Variants in CASP10 observed in about 807,000 individuals in gnomAD.
CASP10 encodes the protein caspase-10.
A neutral mutation model predicts 48.5 loss-of-function variants in CASP10; 41 were observed. That is an observed-to-expected ratio of 0.85 (90% CI 0.66 to 1.10). The LOEUF is 1.10. Among genes scored for constraint, CASP10 ranks in the 50% least tolerant of loss-of-function variants. CASP10 has a pLI of 0.00. For synonymous variants in CASP10, 232 were observed against 238.4 expected (o/e 0.97, Z 0.25); for missense variants, 614 against 614.5 (o/e 1.00, Z 0.01).
At chr2:201,229,019 T>C (rs1323152296) in exon 10 of CASP10, 1 of 1,614,096 alleles carries the variant, frequency 6.2e-7, no homozygotes, top group African/African-American at 1.3e-5. Context: ...GCAACCTCCC[T>C]GCCCACGGCC....
Position 201,218,758 on chromosome 2 carries a change from C to G in CASP10, c.*1017C>G. On this transcript the variant is annotated 3_prime_UTR_variant, in exon 10 of 10. Transcript: ENST00000286186. ...CATTGGACAGTGAGGTCACAGTCCA[C>G]CCACCCTCTCTCTGATCTCCCCCTT... 1.0e-6 allele frequency: 1 copy of G among 985,478 alleles called. No individual in the cohort carries two copies. The highest frequency in any genetic ancestry group is 1.2e-6 in the Non-Finnish European group (1 of 829,988). The allele number at this position is 985,478 out of a possible 1,614,324, so 61.0% of individuals were successfully genotyped here.
chr2:201,229,351 A>C (rs1287596676), exon 10 of CASP10: 2 of 522,184 alleles, frequency 3.8e-6, no homozygotes, highest in Non-Finnish European at 6.9e-6. Context: ...TAAACAATTT[A>C]AACAAATGGT....
In CASP10 at chr2:201,217,552, C is replaced by G. The variant is rs921908049; in HGVS notation, c.1416-36C>G. ...CCAGCCTGGGCGACAGAGTGAGACTCCGTAAAAAAAAATTTTGTTTTCTTC... is the reference window on the plus strand; with the variant it reads ...CCAGCCTGGGCGACAGAGTGAGACTGCGTAAAAAAAAATTTTGTTTTCTTC... On this transcript the variant is annotated intron_variant, in intron 9 of 9. Coordinates refer to ENST00000286186, the MANE Select transcript of CASP10 (RefSeq NM_032977.4). 6 of 1,485,256 alleles carry G rather than the reference C, an allele frequency of 4.0e-6. No individual in the cohort carries two copies. In the Admixed American group the frequency reaches 1.0e-4, roughly 25 times the overall value. 92.0% of individuals were successfully genotyped at this position (1,485,256 alleles called of 1,614,324 possible). A position where few individuals can be genotyped will look rare whatever the true frequency, so the allele number is the denominator to read the frequency against.
chr2:201,195,484 T>G (rs1944757336), intron 4 of CASP10, among the ~76,000 whole-genome samples: 2 of 152,202 alleles, frequency 1.3e-5, no homozygotes, highest in Non-Finnish European at 2.9e-5. Flanking sequence ...AATATTGACT[T>G]TCTTTAGTTC....
At chr2:201,208,023 T>A in intron 7 of CASP10, 52 bp from the exon 8 acceptor site, 1 of 1,314,820 alleles carries the variant, frequency 7.6e-7, no homozygotes, top group Non-Finnish European at 1.1e-6. Context: ...TTAGAAACAT[T>A]TAAGGCCCTA....
chr2:201,188,642 G>A (rs558079152), intron 3 of CASP10, among the ~76,000 whole-genome samples: 1 of 152,264 alleles, frequency 6.6e-6, no homozygotes, highest in Admixed American at 6.5e-5. Flanking sequence ...CACACTCGTG[G>A]TGCAGTTTGG....
chr2:201,186,167 A>G, intron 2 of CASP10, 43 bp downstream of exon 2: 1 of 1,421,208 alleles, frequency 7.0e-7, no homozygotes, highest in South Asian at 1.2e-5. Flanking sequence ...TCTCCCATCT[A>G]GTGTTCATTC....
chr2:201,185,623 G>A (rs1559291727), intron 1 of CASP10, 148 bp from the exon 2 acceptor site: 3 of 651,462 alleles, frequency 4.6e-6, no homozygotes, highest in Non-Finnish European at 5.5e-6. Flanking sequence ...TTTTGAAGTA[G>A]CCTCGCCGTA....
chr2:201,227,579 T>C (rs1207438216), intron 9 of CASP10, among the ~76,000 whole-genome samples: 2 of 152,136 alleles, frequency 1.3e-5, no homozygotes, highest in African/African-American at 2.4e-5. Context: ...AGTTTTGAGA[T>C]GGAGTCTCGC....
At chr2:201,227,503 C>G (rs952601525) in intron 9 of CASP10, among the ~76,000 whole-genome samples, 1 of 152,096 alleles carries the variant, frequency 6.6e-6, no homozygotes, top group Non-Finnish European at 1.5e-5. Flanking sequence ...GGGAAACTCC[C>G]TTATGACACT....
Position 201,200,442 on chromosome 2 carries a change from G to A in CASP10, c.685-3288G>A, listed in dbSNP as rs371199486. ...AAAGAAGGACCCTCCTTTCTCCCCA[G>A]GAAGGTGTTTTTGTTTTTTTAAATG... On this transcript the variant is annotated intron_variant, in intron 5 of 9. Coordinates refer to ENST00000286186, the MANE Select transcript of CASP10 (RefSeq NM_032977.4). The A allele has an allele frequency of 3.0e-5, 48 of 1,598,230 alleles. No homozygotes were observed. The African/African-American group carries it at 5.9e-4, about 20-fold the overall frequency.
At position 201,218,503 on chromosome 2, in the gene CASP10, T is replaced by C. The variant is rs1419082623; in HGVS notation, c.*762T>C. 1 of 741,554 alleles carries C rather than the reference T, an allele frequency of 1.3e-6. No homozygotes were observed. The highest frequency in any genetic ancestry group is 6.3e-5 in the Admixed American group (1 of 15,892). 45.9% of individuals were successfully genotyped at this position (741,554 alleles called of 1,614,324 possible). On this transcript the variant is annotated 3_prime_UTR_variant, in exon 10 of 10. Coordinates refer to ENST00000286186, the MANE Select transcript of CASP10 (RefSeq NM_032977.4). ...TTTTTGTGGAGATGGGGTTTCACTA[T>C]GTTGCCTAAGCTGGTCTCAAACTCC...
Position 201,217,489 on chromosome 2 carries a change from G to C in CASP10, c.1416-99G>C, listed in dbSNP as rs1384683315. 6.1e-5 allele frequency: 46 copies of C among 756,220 alleles called. 1 individual carries two copies. The South Asian group carries it at 6.4e-4, about 10-fold the overall frequency. 46.8% of individuals were successfully genotyped at this position (756,220 alleles called of 1,614,324 possible). ...CATGAGAATCACTTGAATCCAGGAG[G>C]TGGAGGCTGCAGTGAGCTGAGATCA... On this transcript the variant is annotated intron_variant, in intron 9 of 9. Coordinates refer to ENST00000286186, the MANE Select transcript of CASP10 (RefSeq NM_032977.4).
chr2:201,206,572 T>A (rs886100552), intron 7 of CASP10, among the ~76,000 whole-genome samples: 2 of 147,558 alleles, frequency 1.4e-5, no homozygotes, highest in African/African-American at 4.9e-5. Flanking sequence ...AAGTATACTT[T>A]ATATATATAT....
rs1443686978 is a variant in CASP10 at position 201,221,163 on chromosome 2, G to C, written c.*3422G>C. On this transcript the variant is annotated 3_prime_UTR_variant, in exon 10 of 10. Coordinates refer to ENST00000286186, the MANE Select transcript of CASP10 (RefSeq NM_032977.4). ...GTAATTCCAGCTGACTTTATTAGCG[G>C]CAACTCAGCACTAGCATTACCCCTG... 6.1e-6 allele frequency: 6 copies of C among 985,276 alleles called. No homozygotes were observed. Among genetic ancestry groups the C allele is most frequent in the Non-Finnish European group, 7.2e-6 (6 of 829,948 alleles). 61.0% of individuals were successfully genotyped at this position (985,276 alleles called of 1,614,324 possible).
intron 5 of CASP10, among the ~76,000 whole-genome samples, chr2:201,199,057 C>T (rs1944917660): frequency 6.6e-6 from 1 of 152,116 alleles, no homozygotes; most frequent in African/African-American, 2.4e-5. Flanking sequence ...TGTGCATTTA[C>T]TCACACTTGC....
At chr2:201,204,521 A>G (rs1257926717) in intron 6 of CASP10, among the ~76,000 whole-genome samples, 1 of 152,164 alleles carries the variant, frequency 6.6e-6, no homozygotes, top group East Asian at 1.9e-4. Context: ...GATTTCAGGG[A>G]TTATATCATT....
chr2:201,192,885 A>C, intron 3 of CASP10, 99 bp from the exon 4 acceptor site: 1 of 1,219,006 alleles, frequency 8.2e-7, no homozygotes, highest in Non-Finnish European at 1.2e-6. Flanking sequence ...TATCTTATTT[A>C]TCAGTGCAAA....
rs190044337 is a variant in CASP10 at position 201,200,972 on chromosome 2, C to G, written c.685-2758C>G. Among the ~76,000 whole-genome samples, 27 of 152,262 alleles carry G rather than the reference C, an allele frequency of 1.8e-4. 1 individual carries two copies. In the East Asian group the frequency reaches 5.2e-3, roughly 29 times the overall value. Reference sequence around the variant, plus strand: ...TTAAAGCAACATTTATGGGCCAACTCCCTGGCCATGGGCACAGCTTTGTTT... The same window carrying G: ...TTAAAGCAACATTTATGGGCCAACTGCCTGGCCATGGGCACAGCTTTGTTT... On this transcript the variant is annotated intron_variant, in intron 5 of 9. Coordinates refer to ENST00000286186, the MANE Select transcript of CASP10 (RefSeq NM_032977.4).
Sources: gnomAD v4.1 joint callset for allele counts (sites outside exome capture counted in the v4.1 genomes callset) on GRCh38, gnomAD v4.1.1 for gene constraint, MANE v1.5 for transcripts, NCBI Gene and HGNC (gene_info 2026-07-23, HGNC 2026-07-21) for gene names.